The following KIF20B variants were observed in gnomAD, a reference collection of about 807,000 sequenced individuals.
The protein encoded by KIF20B is kinesin-like protein KIF20B.
A neutral mutation model predicts 232.5 loss-of-function variants in KIF20B; 188 were observed. That is an observed-to-expected ratio of 0.81 (90% CI 0.72 to 0.91). KIF20B has a LOEUF of 0.91. Ranked by LOEUF, KIF20B falls within the 40% of genes least tolerant of loss-of-function variation. The pLI is 0.00. For missense variants in KIF20B, 2,154 were observed against 2,055.9 expected (o/e 1.05, Z -0.92); for synonymous variants, 712 against 683.0 (o/e 1.04, Z -0.66).
At chr10:89,708,739 A>G (rs954774572) in intron 2 of KIF20B, among the ~76,000 whole-genome samples, 15 of 152,342 alleles carry the variant, frequency 9.8e-5, no homozygotes, top group East Asian at 1.9e-4. Context: ...TACATTTTCT[A>G]TGCACATTTC....
chr10:89,710,110 A>G lies in KIF20B; in HGVS notation c.490+45A>G, dbSNP rs764542928. 12 of 1,530,214 alleles carry G rather than the reference A, an allele frequency of 7.8e-6. No homozygotes were observed. In the South Asian group the frequency reaches 1.2e-4, roughly 16 times the overall value. 94.8% of individuals were successfully genotyped at this position (1,530,214 alleles called of 1,614,324 possible). ...GGTTGGAAAGGATAAGGAAGCAATA[A>G]TAATCACTCAGTGTTTTTATAATAC... On this transcript the variant is annotated intron_variant, in intron 5 of 32. Coordinates refer to ENST00000371728, the MANE Select transcript of KIF20B (RefSeq NM_001284259.2).
Position 89,715,058 on chromosome 10 carries a change from G to A in KIF20B, c.816G>A (p.Trp272Ter). ...NMANSIKFSV[W>*]VSFFEIYNEY... ...CTAATAGTATAAAATTTTCTGTGTG[G>A]GTTTCTTTCTTTGAAATTTACAATG... is the stretch of plus-strand genomic sequence containing the variant. The change falls in exon 8 of 33, where the codon TGG becomes TGA. Residue 272 changes from tryptophan to a stop codon, truncating the protein, a stop_gained. Coordinates refer to ENST00000371728, the MANE Select transcript of KIF20B (RefSeq NM_001284259.2). LOFTEE classifies it high-confidence loss of function. The A allele has an allele frequency of 3.1e-6, 5 of 1,604,962 alleles. No individual in the cohort carries two copies. Among genetic ancestry groups the A allele is most frequent in the Non-Finnish European group, 3.4e-6 (4 of 1,174,796 alleles).
At chr10:89,752,046 A>G (rs1453521986) in intron 24 of KIF20B, among the ~76,000 whole-genome samples, 1 of 152,114 alleles carries the variant, frequency 6.6e-6, no homozygotes. Flanking sequence ...TGATAATGCC[A>G]TATGTACTAT....
In KIF20B at chr10:89,719,662, A is replaced by T; in HGVS notation, c.1678A>T (p.Thr560Ser). Residue 560 changes from threonine to serine, a missense_variant, in exon 13 of 33, where the codon ACA becomes TCA. Coordinates refer to ENST00000371728, the MANE Select transcript of KIF20B (RefSeq NM_001284259.2). ...ACTTCTTGATGAAGATCTAGATAAA[A>T]CATTAGAGGAAAATAAGGCTTTCAT... The part of the protein sequence containing the change: ...TKLLDEDLDK[T>S]LEENKAFISH... 1 of 1,610,440 alleles carries T rather than the reference A, an allele frequency of 6.2e-7. No homozygotes were observed. Among genetic ancestry groups the T allele is most frequent in the Non-Finnish European group, 8.5e-7 (1 of 1,178,804 alleles).
intron 19 of KIF20B, among the ~76,000 whole-genome samples, chr10:89,734,921 A>T (rs1841615807): frequency 6.6e-6 from 1 of 152,240 alleles, no homozygotes; most frequent in African/African-American, 2.4e-5. Flanking sequence ...ATTTTCAAAA[A>T]TAATACCCCA....
Position 89,738,098 on chromosome 10 carries a change from A to G in KIF20B, c.3257A>G (p.Glu1086Gly), listed in dbSNP as rs1224067292. The G allele has an allele frequency of 3.7e-6, 6 of 1,612,564 alleles. No individual in the cohort carries two copies. The highest frequency in any genetic ancestry group is 5.1e-6 in the Non-Finnish European group (6 of 1,179,634). ...HQIEELEQQIEKLQAEVKGYK... is the reference protein window; with the variant it reads ...HQIEELEQQIGKLQAEVKGYK... ...ATTGAGGAACTGGAACAACAAATTG[A>G]AAAATTGCAGGCAGAAGTAAAAGGC... Residue 1086 changes from glutamate (E) to glycine (G), a missense_variant, in exon 20 of 33, where the codon GAA becomes GGA. Transcript: ENST00000371728.
intron 13 of KIF20B, among the ~76,000 whole-genome samples, chr10:89,723,357 T>C (rs1208037832): frequency 6.6e-6 from 1 of 152,098 alleles, no homozygotes; most frequent in East Asian, 1.9e-4. Flanking sequence ...GCTTTATTTA[T>C]ATATTGCACA....
At chr10:89,707,464 A>C (rs1012243098) in intron 2 of KIF20B, among the ~76,000 whole-genome samples, 3 of 150,820 alleles carry the variant, frequency 2.0e-5, no homozygotes, top group Non-Finnish European at 3.0e-5. Context: ...CTTCCTTCCC[A>C]ATTTGGATGA....
At position 89,738,361 on chromosome 10, in the gene KIF20B, A is replaced by G; in HGVS notation, c.3520A>G (p.Lys1174Glu). Residue 1174 changes from lysine to glutamate, a missense_variant, in exon 20 of 33, where the codon AAA becomes GAA. Coordinates refer to ENST00000371728, the MANE Select transcript of KIF20B (RefSeq NM_001284259.2). ...KELETILETQ[K>E]VECSHSAKLE... ...ACTTGAAACAATTTTAGAGACTCAG[A>G]AAGTTGAATGTAGTCATTCAGCCAA... is the stretch of plus-strand genomic sequence containing the variant. The G allele has an allele frequency of 6.2e-7, 1 of 1,609,788 alleles. No homozygotes were observed. The highest frequency in any genetic ancestry group is 1.3e-5 in the African/African-American group (1 of 74,740).
chr10:89,753,695 A>G (rs1842065366), intron 25 of KIF20B, among the ~76,000 whole-genome samples: 1 of 152,090 alleles, frequency 6.6e-6, no homozygotes, highest in South Asian at 2.1e-4. Flanking sequence ...ATCTCGGCTC[A>G]CTGCAGCCTC....
chr10:89,707,241 GCATA>G lies in KIF20B; in HGVS notation c.147+1803_147+1806del, dbSNP rs1489395855. 3.3e-5 allele frequency among the ~76,000 whole-genome samples: 5 copies of G among 152,116 alleles called. No individual in the cohort carries two copies. In the East Asian group the frequency reaches 5.8e-4, roughly 18 times the overall value. On this transcript the variant is annotated intron_variant, in intron 2 of 32. Coordinates refer to ENST00000371728, the MANE Select transcript of KIF20B (RefSeq NM_001284259.2). ...CGCAGTTTGATAAGTTTTGACATGT[GCATA>G]CACTTATGTAACTGTCACTACAGTC...
chr10:89,765,663 A>G (rs564151966), intron 29 of KIF20B, among the ~76,000 whole-genome samples: 2 of 152,308 alleles, frequency 1.3e-5, no homozygotes, highest in East Asian at 1.9e-4. Context: ...CCAAAACAGC[A>G]TGGTACTGGT....
chr10:89,716,400 C>T (rs767135172), intron 8 of KIF20B, 36 bp from the exon 9 acceptor site: 28 of 886,532 alleles, frequency 3.2e-5, no homozygotes, highest in Non-Finnish European at 3.7e-5. Context: ...TTCTTTGTCT[C>T]AATAAATTAA....
Position 89,751,369 on chromosome 10 carries a change from A to C in KIF20B, c.4120A>C (p.Ile1374Leu). 1.2e-6 allele frequency: 2 copies of C among 1,606,608 alleles called. No individual in the cohort carries two copies. Among genetic ancestry groups the C allele is most frequent in the Non-Finnish European group, 1.7e-6 (2 of 1,176,662 alleles). Residue 1374 changes from isoleucine to leucine, a missense_variant, in exon 24 of 33, where the codon ATT becomes CTT. Ile to Leu is a conservative substitution (Grantham distance 5). Coordinates refer to ENST00000371728, the MANE Select transcript of KIF20B (RefSeq NM_001284259.2). ...AGATCTAAATGTTAAAGAGAAAATAATTGAAGACATGCGAATGACACTAGA... is the reference window on the plus strand; with the variant it reads ...AGATCTAAATGTTAAAGAGAAAATACTTGAAGACATGCGAATGACACTAGA... ...CKDLNVKEKI[I>L]EDMRMTLEEQ...
At chr10:89,741,334 T>A (rs888299260) in intron 21 of KIF20B, among the ~76,000 whole-genome samples, 1 of 152,178 alleles carries the variant, frequency 6.6e-6, no homozygotes, top group Admixed American at 6.5e-5. Flanking sequence ...TTCACTCCCT[T>A]GTCTGCCGCT....
chr10:89,742,572 A>C (rs1307118950), intron 21 of KIF20B, among the ~76,000 whole-genome samples: 1 of 152,216 alleles, frequency 6.6e-6, no homozygotes, highest in African/African-American at 2.4e-5. Flanking sequence ...TTTTTTAAAC[A>C]AAATTAGCAA....
chr10:89,723,832 A>G, intron 13 of KIF20B, 132 bp from the exon 14 acceptor site: 3 of 770,120 alleles, frequency 3.9e-6, no homozygotes, highest in Non-Finnish European at 5.4e-6. Flanking sequence ...CAGTGAGAAC[A>G]TTATCACTAT....
At chr10:89,753,935 GTAT>G (rs920858925) in intron 25 of KIF20B, among the ~76,000 whole-genome samples, 1 of 151,676 alleles carries the variant, frequency 6.6e-6, no homozygotes, top group Non-Finnish European at 1.5e-5. Context: ...TTTTTAAGTG[GTAT>G]TATTATTTTT....
chr10:89,733,277 ATTTC>A (rs1288200344), intron 19 of KIF20B: 2 of 426,034 alleles, frequency 4.7e-6, no homozygotes, highest in African/African-American at 4.0e-5. Flanking sequence ...TGCTTTTATT[ATTTC>A]TTTCGCAGTC....
Sources: allele counts gnomAD v4.1 joint callset (sites outside exome capture counted in the v4.1 genomes callset), GRCh38; gene constraint gnomAD v4.1.1; transcripts MANE v1.5; gene names NCBI Gene and HGNC (gene_info 2026-07-23, HGNC 2026-07-21).